The following NXPE4 variants were observed in gnomAD, a reference collection of about 807,000 sequenced individuals.
The protein encoded by NXPE4 is neurexophilin and PC-esterase domain family member 4, also known as NXPE family member 4.
Under a neutral mutation model 33.3 loss-of-function variants are expected in NXPE4, and 42 were observed. The ratio of observed to expected loss-of-function variants is 1.26; its 90% CI spans 0.98 to 1.63. NXPE4 has a LOEUF of 1.63. NXPE4 is among the 40% of genes most tolerant of loss of function. The pLI, the probability that NXPE4 is intolerant of heterozygous loss-of-function variation, is 0.00. For synonymous variants in NXPE4, 253 were observed against 234.9 expected, an observed-to-expected ratio of 1.08 and a Z score of -0.71; for missense variants, 709 against 647.6, an observed-to-expected ratio of 1.09 and a Z score of -1.03.
chr11:114,579,501 C>T (rs1949087576), intron 5 of NXPE4, among the ~76,000 whole-genome samples: 1 of 152,194 alleles, frequency 6.6e-6, no homozygotes, highest in Non-Finnish European at 1.5e-5. Flanking sequence ...AGACCCCAAG[C>T]CCATGCTTTA....
chr11:114,663,626 T>TATCTATCTATC, the NXPE4 span, among the ~76,000 whole-genome samples: 1 of 55,560 alleles, frequency 1.8e-5, no homozygotes, highest in African/African-American at 5.3e-5. Context: ...TCTATCTATC[T>TATCTATCTATC]ATCTATCTAT....
chr11:114,575,976 C>A lies in NXPE4; in HGVS notation c.1099+4156G>T, dbSNP rs770902097. ...TACTATAAGGCCATAGTCACTGAAA[C>A]AGCATGGTACTGGCATAAAAATAGG... On this transcript the variant is annotated intron_variant, in intron 5 of 5. Coordinates refer to ENST00000375478, the MANE Select transcript of NXPE4 (RefSeq NM_001077639.2). Among the ~76,000 whole-genome samples, 10 of 152,220 alleles carry A rather than the reference C, an allele frequency of 6.6e-5. No individual in the cohort carries two copies. The South Asian group carries it at 2.1e-3, about 32-fold the overall frequency.
chr11:114,587,725 C>T (rs1010684154), intron 2 of NXPE4, among the ~76,000 whole-genome samples: 8 of 152,188 alleles, frequency 5.3e-5, no homozygotes, highest in Non-Finnish European at 1.0e-4. Flanking sequence ...CCAAAGGAAA[C>T]GAAGGTGACT....
the NXPE4 span, among the ~76,000 whole-genome samples, chr11:114,653,680 A>G: frequency 6.6e-6 from 1 of 150,690 alleles, no homozygotes; most frequent in Non-Finnish European, 1.5e-5. Flanking sequence ...GGCGCCCACC[A>G]CTATGCCTGG....
At chr11:114,662,981 C>T in the NXPE4 span, among the ~76,000 whole-genome samples, 1 of 152,132 alleles carries the variant, frequency 6.6e-6, no homozygotes, top group Admixed American at 6.6e-5. Context: ...TGGAGGAGAG[C>T]AACAAGCAGC....
chr11:114,580,126 G>A lies in NXPE4; in HGVS notation c.1099+6C>T. The A allele has an allele frequency of 4.4e-6, 7 of 1,606,578 alleles. No homozygotes were observed. Among genetic ancestry groups the A allele is most frequent in the Non-Finnish European group, 6.0e-6 (7 of 1,173,160 alleles). On this transcript the variant is annotated splice_donor_region_variant and intron_variant, in intron 5 of 5. Transcript: ENST00000375478. ...GGTAAGAATTATAGCTTAGACTGAG[G>A]CATACTGTTGATACTGGCTTTGAAG... is the stretch of plus-strand genomic sequence containing the variant.
At chr11:114,575,424 T>C (rs889483909) in intron 5 of NXPE4, among the ~76,000 whole-genome samples, 19 of 152,060 alleles carry the variant, frequency 1.2e-4, no homozygotes, top group Admixed American at 1.2e-3. Flanking sequence ...CATGATATGA[T>C]AGTATACCTA....
At position 114,582,305 on chromosome 11, in the gene NXPE4, T is replaced by C. The variant is rs747432647; in HGVS notation, c.813A>G (p.Glu271=). The stretch of plus-strand genomic sequence containing the variant: ...ATTTTTACCTTTCAAAGAGGCTCTT[T>C]TCTTGTTTGCTAAGATAAGAAACTT... ...NKKVSYLSKQ[E]KSLFERSNVG... Residue 271 remains glutamate (E), a synonymous_variant, in exon 3 of 6, where the codon GAA becomes GAG. Transcript: ENST00000375478. 1 of 1,579,292 alleles carries C rather than the reference T, an allele frequency of 6.3e-7. No individual in the cohort carries two copies. The highest frequency in any genetic ancestry group is 1.2e-5 in the South Asian group (1 of 85,586).
chr11:114,631,040 A>T, the NXPE4 span, among the ~76,000 whole-genome samples: 15 of 151,830 alleles, frequency 9.9e-5, no homozygotes, highest in East Asian at 2.9e-3. Flanking sequence ...GCTGGAGAGG[A>T]TGTGGAGAAA....
chr11:114,654,587 C>G, the NXPE4 span, among the ~76,000 whole-genome samples: 1 of 152,062 alleles, frequency 6.6e-6, no homozygotes, highest in Non-Finnish European at 1.5e-5. Context: ...GCCCTCTGTT[C>G]CTGTGTTAGT....
At chr11:114,621,960 A>G in the NXPE4 span, among the ~76,000 whole-genome samples, 5 of 152,092 alleles carry the variant, frequency 3.3e-5, no homozygotes, top group Non-Finnish European at 7.4e-5. Flanking sequence ...CCTGTGGATA[A>G]TAAGTATGGC....
At chr11:114,626,465 C>T in the NXPE4 span, among the ~76,000 whole-genome samples, 2 of 152,104 alleles carry the variant, frequency 1.3e-5, no homozygotes, top group Non-Finnish European at 2.9e-5. Flanking sequence ...AGCTGACGGT[C>T]CTGTCTGTTA....
chr11:114,638,404 G>T, the NXPE4 span, among the ~76,000 whole-genome samples: 1 of 151,808 alleles, frequency 6.6e-6, no homozygotes, highest in Non-Finnish European at 1.5e-5. Context: ...TTTGCCTTCG[G>T]TTTGAATTTC....
the NXPE4 span, among the ~76,000 whole-genome samples, chr11:114,677,924 A>G: frequency 6.6e-6 from 1 of 152,092 alleles, no homozygotes; most frequent in Non-Finnish European, 1.5e-5. Flanking sequence ...CATGAGACCT[A>G]CATCCACAGA....
chr11:114,635,488 C>T, the NXPE4 span, among the ~76,000 whole-genome samples: 5 of 151,978 alleles, frequency 3.3e-5, no homozygotes, highest in African/African-American at 1.2e-4. Context: ...CTGGCCAGAA[C>T]TTCCAGCACT....
chr11:114,620,221 A>G, the NXPE4 span, among the ~76,000 whole-genome samples: 7 of 151,756 alleles, frequency 4.6e-5, no homozygotes, highest in African/African-American at 1.7e-4. Flanking sequence ...CTGATGGGTA[A>G]CCACTGTTAT....
At chr11:114,596,888 C>T (rs1476614045), upstream of NXPE4, among the ~76,000 whole-genome samples, 2 of 152,144 alleles carry the variant, frequency 1.3e-5, no homozygotes, top group East Asian at 3.9e-4. Flanking sequence ...ATATGCTTGA[C>T]TTAAAGAACC....
chr11:114,612,564 C>A, the NXPE4 span, among the ~76,000 whole-genome samples: 1 of 151,866 alleles, frequency 6.6e-6, no homozygotes, highest in East Asian at 2.0e-4. Context: ...TCATGGGTAA[C>A]CACTGTTACC....
chr11:114,631,439 T>C, the NXPE4 span, among the ~76,000 whole-genome samples: 5 of 145,524 alleles, frequency 3.4e-5, no homozygotes, highest in African/African-American at 1.3e-4. Context: ...AACCAAACAC[T>C]GCATATTCTC....
Sources: gnomAD v4.1 joint callset for allele counts (sites outside exome capture counted in the v4.1 genomes callset) on GRCh38, gnomAD v4.1.1 for gene constraint, MANE v1.5 for transcripts, NCBI Gene and HGNC (gene_info 2026-07-23, HGNC 2026-07-21) for gene names.